HIF1AN: variants seen among roughly 807,000 people sequenced by gnomAD.
HIF1AN encodes hypoxia-inducible factor 1-alpha inhibitor.
HIF1AN carries 21 observed loss-of-function variants against 47.7 expected under a neutral mutation model. The observed-to-expected ratio is 0.44, with a 90% CI of 0.31 to 0.63. The LOEUF (loss-of-function observed/expected upper bound fraction) is 0.63, where lower values mean the gene tolerates loss of function less well. Among genes scored for constraint, HIF1AN ranks in the 30% least tolerant of loss-of-function variants. HIF1AN has a pLI of 0.07. For missense variants in HIF1AN, 320 were observed against 432.7 expected (o/e 0.74, Z 2.31); for synonymous variants, 152 against 155.9 (o/e 0.98, Z 0.18).
In HIF1AN at chr10:100,547,123, T is replaced by C. The variant is rs759522976; in HGVS notation, c.895-17T>C. ...CTGCTGCTAAAGGCATTTCCTGAGCTACTGCTTCCTTTGTAGGGGGCTCCC... is the reference window on the plus strand; with the variant it reads ...CTGCTGCTAAAGGCATTTCCTGAGCCACTGCTTCCTTTGTAGGGGGCTCCC... On this transcript the variant is annotated splice_polypyrimidine_tract_variant and intron_variant, in intron 6 of 7. Coordinates refer to ENST00000299163, the MANE Select transcript of HIF1AN (RefSeq NM_017902.3). 12 of 1,578,816 alleles carry C rather than the reference T, an allele frequency of 7.6e-6. No homozygotes were observed. The highest frequency in any genetic ancestry group is 4.3e-6 in the Non-Finnish European group (5 of 1,149,888).
chr10:100,557,787 A>C lies in HIF1AN; in HGVS notation c.*9650A>C, dbSNP rs1843226387. The stretch of plus-strand genomic sequence containing the variant: ...CCTCTTATGTGGCTATTGAGAATGA[A>C]TGAGACAACTCATTAACTAACTAAG... On this transcript the variant is annotated 3_prime_UTR_variant, in exon 8 of 8. Coordinates refer to ENST00000299163, the MANE Select transcript of HIF1AN (RefSeq NM_017902.3). The C allele has an allele frequency of 7.1e-6, 1 of 141,242 alleles. No individual in the cohort carries two copies. The highest frequency in any genetic ancestry group is 6.9e-5 in the Admixed American group (1 of 14,456). 8.7% of individuals were successfully genotyped at this position (141,242 alleles called of 1,614,324 possible).
Position 100,551,251 on chromosome 10 carries a change from G to A in HIF1AN, c.*3114G>A, listed in dbSNP as rs1276364514. 1 of 152,200 alleles carries A rather than the reference G, an allele frequency of 6.6e-6. No homozygotes were observed. Among genetic ancestry groups the A allele is most frequent in the Non-Finnish European group, 1.5e-5 (1 of 68,030 alleles). 9.4% of individuals were successfully genotyped at this position (152,200 alleles called of 1,614,324 possible). On this transcript the variant is annotated 3_prime_UTR_variant, in exon 8 of 8. Transcript: ENST00000299163. ...AAGGTTTTTACCAACGTGAACAGTT[G>A]GGGGAAGTCGTCTGCTCTCATTTGC...
chr10:100,558,318 T>C lies in HIF1AN; in HGVS notation c.*10181T>C, dbSNP rs114699916. On this transcript the variant is annotated 3_prime_UTR_variant, in exon 8 of 8. Coordinates refer to ENST00000299163, the MANE Select transcript of HIF1AN (RefSeq NM_017902.3). ...AGGTTTCATCTGAAAAACTTAAGAG[T>C]TGCTAGGCACAGTCGTGCACACTTG... 1 of 152,110 alleles carries C rather than the reference T, an allele frequency of 6.6e-6. No individual in the cohort carries two copies. Among genetic ancestry groups the C allele is most frequent in the African/African-American group, 2.4e-5 (1 of 41,476 alleles). 9.4% of individuals were successfully genotyped at this position (152,110 alleles called of 1,614,324 possible).
In HIF1AN at chr10:100,549,753, CTT is replaced by C. The variant is rs761978570; in HGVS notation, c.*1630_*1631del. The stretch of plus-strand genomic sequence containing the variant: ...GTTGGAAGGTCTCTGGTTTTCTTTT[CTT>C]TTTTTTTTTTTTTGCCAAAGGTTTA... On this transcript the variant is annotated 3_prime_UTR_variant, in exon 8 of 8. Coordinates refer to ENST00000299163, the MANE Select transcript of HIF1AN (RefSeq NM_017902.3). 137 of 137,492 alleles carry C rather than the reference CTT, an allele frequency of 1.0e-3. No homozygotes were observed. The highest frequency in any genetic ancestry group is 1.1e-3 in the Non-Finnish European group (70 of 62,576). 8.5% of individuals were successfully genotyped at this position (137,492 alleles called of 1,614,324 possible).
Position 100,540,802 on chromosome 10 carries a change from C to T in HIF1AN, c.577+20C>T. 3.1e-6 allele frequency: 5 copies of T among 1,597,748 alleles called. No homozygotes were observed. Among genetic ancestry groups the T allele is most frequent in the Non-Finnish European group, 4.3e-6 (5 of 1,174,544 alleles). On this transcript the variant is annotated intron_variant, in intron 3 of 7. Transcript: ENST00000299163. ...TGGAAGGTAAGAAATCTTTCAAAAGCAGCATGGCTTGGAGTCATATGAACC... is the reference window on the plus strand; with the variant it reads ...TGGAAGGTAAGAAATCTTTCAAAAGTAGCATGGCTTGGAGTCATATGAACC...
intron 3 of HIF1AN, among the ~76,000 whole-genome samples, chr10:100,542,380 GT>G (rs1843043103): frequency 6.6e-6 from 1 of 152,076 alleles, no homozygotes; most frequent in African/African-American, 2.4e-5. Context: ...TTGAGACAGA[GT>G]CTCGCTCTGT....
rs1032280261 is a variant in HIF1AN, at chr10:100,559,528, C to T, written c.*11391C>T. ...CAACCTCCTGGACTCAAGTGATCCT[C>T]CTGCCTCAGCCTCCCATGTAGCTGG... On this transcript the variant is annotated 3_prime_UTR_variant, in exon 8 of 8. Transcript: ENST00000299163. 2 of 152,186 alleles carry T rather than the reference C, an allele frequency of 1.3e-5. No homozygotes were observed. Among genetic ancestry groups the T allele is most frequent in the African/African-American group, 4.8e-5 (2 of 41,438 alleles). The allele number at this position is 152,186 out of a possible 1,614,324, so 9.4% of individuals were successfully genotyped here. A position where few individuals can be genotyped will look rare whatever the true frequency, so the allele number is the denominator to read the frequency against.
At chr10:100,546,098 T>G in intron 5 of HIF1AN, 49 bp downstream of exon 5, 2 of 1,209,208 alleles carry the variant, frequency 1.7e-6, no homozygotes, top group Non-Finnish European at 2.4e-6. Context: ...TTCTTTTCCA[T>G]TCCCTGGAAA....
intron 3 of HIF1AN, among the ~76,000 whole-genome samples, chr10:100,542,138 A>G (rs1356129179): frequency 6.6e-6 from 1 of 151,982 alleles, no homozygotes; most frequent in African/African-American, 2.4e-5. Flanking sequence ...GCCAAAAAAA[A>G]AAAAGATAAA....
At position 100,536,593 on chromosome 10, in the gene HIF1AN, G is replaced by A; in HGVS notation, c.360G>A (p.Arg120=). The change falls in exon 2 of 8, where the codon AGG becomes AGA. Residue 120 remains arginine, a synonymous_variant. Transcript: ENST00000299163. ...NFQNFKPRSN[R]EEMKFHEFVE... is the part of the protein sequence containing the mutation. ...AGAACTTTAAGCCGAGGTCCAACAG[G>A]GAAGAAATGAAATTTCATGAGTTCG... The A allele has an allele frequency of 3.1e-6, 5 of 1,614,138 alleles. No homozygotes were observed. The highest frequency in any genetic ancestry group is 4.2e-6 in the Non-Finnish European group (5 of 1,180,022).
chr10:100,546,603 T>G (rs11498551), intron 6 of HIF1AN, 22 bp downstream of exon 6: 21 of 1,601,640 alleles, frequency 1.3e-5, no homozygotes, highest in Non-Finnish European at 1.8e-5. Flanking sequence ...TTGCTTTTTT[T>G]GTTTTTTCCA....
intron 3 of HIF1AN, among the ~76,000 whole-genome samples, chr10:100,544,179 A>T (rs1474011736): frequency 6.6e-6 from 1 of 152,266 alleles, no homozygotes; most frequent in African/African-American, 2.4e-5. Flanking sequence ...TGGCATTTAA[A>T]ATAATGTGCC....
At chr10:100,546,692 T>TCAAC in intron 6 of HIF1AN, 111 bp downstream of exon 6, 1 of 817,610 alleles carries the variant, frequency 1.2e-6, no homozygotes, top group Non-Finnish European at 2.1e-6. Flanking sequence ...GAAGTGATTG[T>TCAAC]CAGGTGTCTG....
intron 2 of HIF1AN, 125 bp downstream of exon 2, chr10:100,536,786 T>A: frequency 9.4e-7 from 1 of 1,064,896 alleles, no homozygotes; most frequent in Non-Finnish European, 1.4e-6. Context: ...TGGATTCCAG[T>A]TGAAGGAGTA....
chr10:100,536,241 G>C, intron 1 of HIF1AN, 106 bp downstream of exon 1: 1 of 1,319,026 alleles, frequency 7.6e-7, no homozygotes, highest in Non-Finnish European at 1.1e-6. Flanking sequence ...CTAGACTAGG[G>C]CCTATGGGAA....
intron 3 of HIF1AN, among the ~76,000 whole-genome samples, chr10:100,541,612 T>G (rs933572017): frequency 2.2e-4 from 33 of 152,114 alleles, no homozygotes; most frequent in Admixed American, 7.9e-4. Context: ...GTGATTCTCC[T>G]GCTTTAGCTC....
In HIF1AN at chr10:100,551,268, C is replaced by G. The variant is rs998415401; in HGVS notation, c.*3131C>G. 1.3e-5 allele frequency: 2 copies of G among 152,194 alleles called. No individual in the cohort carries two copies. Among genetic ancestry groups the G allele is most frequent in the Non-Finnish European group, 2.9e-5 (2 of 68,036 alleles). 9.4% of individuals were successfully genotyped at this position (152,194 alleles called of 1,614,324 possible). A position where few individuals can be genotyped will look rare whatever the true frequency, so the allele number is the denominator to read the frequency against. On this transcript the variant is annotated 3_prime_UTR_variant, in exon 8 of 8. Transcript: ENST00000299163. The stretch of plus-strand genomic sequence containing the variant: ...GAACAGTTGGGGGAAGTCGTCTGCT[C>G]TCATTTGCGTAATGGTTTCTGTCAC...
At position 100,551,127 on chromosome 10, in the gene HIF1AN, C is replaced by G. The variant is rs560672300; in HGVS notation, c.*2990C>G. 2.0e-5 allele frequency: 3 copies of G among 152,064 alleles called. No homozygotes were observed. The South Asian group carries it at 6.2e-4, about 32-fold the overall frequency. The allele number at this position is 152,064 out of a possible 1,614,324, so 9.4% of individuals were successfully genotyped here. Reference sequence around the variant, plus strand: ...CAAATATTTGTTGGGGGTTGGAGTTCTGGGGTTGGAGGAGGGGCTGTTCTG... The same window carrying G: ...CAAATATTTGTTGGGGGTTGGAGTTGTGGGGTTGGAGGAGGGGCTGTTCTG... On this transcript the variant is annotated 3_prime_UTR_variant, in exon 8 of 8. Transcript: ENST00000299163.
At chr10:100,540,809 G>T in intron 3 of HIF1AN, 27 bp downstream of exon 3, 2 of 1,585,932 alleles carry the variant, frequency 1.3e-6, no homozygotes, top group Non-Finnish European at 1.7e-6. Flanking sequence ...AAGCAGCATG[G>T]CTTGGAGTCA....
Sources: gnomAD v4.1 joint callset for allele counts (sites outside exome capture counted in the v4.1 genomes callset) on GRCh38, gnomAD v4.1.1 for gene constraint, MANE v1.5 for transcripts, NCBI Gene and HGNC (gene_info 2026-07-23, HGNC 2026-07-21) for gene names.